CTNNA2: variants seen among roughly 807,000 people sequenced by gnomAD.
The protein encoded by CTNNA2 is catenin alpha-2.
A neutral mutation model predicts 101.0 loss-of-function variants in CTNNA2; 42 were observed. The ratio of observed to expected loss-of-function variants is 0.42; its 90% CI spans 0.32 to 0.54. CTNNA2 has a LOEUF of 0.54. CTNNA2 is among the 20% of genes least tolerant of loss of function. The pLI is 0.14. For missense variants in CTNNA2, 871 were observed against 1,223.1 expected, an observed-to-expected ratio of 0.71 and a Z score of 4.29; for synonymous variants, 450 against 456.4, an observed-to-expected ratio of 0.99 and a Z score of 0.18.
chr2:80,353,059 G>A (rs533624730), intron 7 of CTNNA2, among the ~76,000 whole-genome samples: 2 of 152,220 alleles, frequency 1.3e-5, no homozygotes, highest in East Asian at 1.9e-4. Context: ...ATGTGACTAT[G>A]TCTTCCCCAA....
intron 7 of CTNNA2, among the ~76,000 whole-genome samples, chr2:80,039,124 T>G (rs925560064): frequency 5.9e-5 from 9 of 152,144 alleles, no homozygotes; most frequent in Non-Finnish European, 8.8e-5. Flanking sequence ...ATATGTGTGT[T>G]TCTTTTAAAA....
At chr2:79,363,605 C>A (rs188806535) in intron 3 of CTNNA2, among the ~76,000 whole-genome samples, 2 of 152,118 alleles carry the variant, frequency 1.3e-5, no homozygotes, top group East Asian at 3.9e-4. Flanking sequence ...AAAACTGAAC[C>A]CTCTTATATT....
At chr2:79,330,601 A>G (rs1371681730) in intron 3 of CTNNA2, among the ~76,000 whole-genome samples, 1 of 152,190 alleles carries the variant, frequency 6.6e-6, no homozygotes, top group Non-Finnish European at 1.5e-5. Context: ...TGTAGCTCCC[A>G]GAATTCCCAC....
At chr2:80,512,991 C>T (rs527857330) in intron 9 of CTNNA2, among the ~76,000 whole-genome samples, 1 of 152,038 alleles carries the variant, frequency 6.6e-6, no homozygotes, top group East Asian at 1.9e-4. Flanking sequence ...TAGATTTGAG[C>T]TATTTTGGGG....
intron 1 of CTNNA2, among the ~76,000 whole-genome samples, chr2:79,617,577 T>C (rs1052277231): frequency 6.6e-5 from 10 of 152,262 alleles, no homozygotes; most frequent in Non-Finnish European, 1.2e-4. Flanking sequence ...TATGTCTGAT[T>C]CATATTCACC....
intron 15 of CTNNA2, among the ~76,000 whole-genome samples, chr2:80,599,739 A>G (rs1697304459): frequency 6.6e-6 from 1 of 152,136 alleles, no homozygotes; most frequent in South Asian, 2.1e-4. Flanking sequence ...TATTTTACAC[A>G]TGACTTTAAC....
chr2:80,370,895 GA>G (rs1675379295), intron 7 of CTNNA2, among the ~76,000 whole-genome samples: 1 of 152,120 alleles, frequency 6.6e-6, no homozygotes, highest in Admixed American at 6.6e-5. Context: ...AAGAAATGAA[GA>G]CCCAATGAAA....
chr2:79,519,005 C>T (rs962470276), intron 1 of CTNNA2, among the ~76,000 whole-genome samples: 2 of 151,908 alleles, frequency 1.3e-5, no homozygotes, highest in African/African-American at 2.4e-5. Flanking sequence ...GAGGCAGGCA[C>T]ATCACCTGAG....
At chr2:80,588,669 C>T (rs770764616) in intron 14 of CTNNA2, among the ~76,000 whole-genome samples, 2 of 152,124 alleles carry the variant, frequency 1.3e-5, no homozygotes, top group Admixed American at 6.5e-5. Flanking sequence ...TTTCTGCCTA[C>T]GTACTCAAAG....
chr2:80,147,762 C>A (rs929332645), intron 7 of CTNNA2, among the ~76,000 whole-genome samples: 1 of 152,148 alleles, frequency 6.6e-6, no homozygotes, highest in Admixed American at 6.5e-5. Context: ...GACTTCTCAG[C>A]CCCTACCTCC....
intron 6 of CTNNA2, among the ~76,000 whole-genome samples, chr2:79,888,157 C>T (rs889008576): frequency 6.6e-6 from 1 of 152,114 alleles, no homozygotes; most frequent in African/African-American, 2.4e-5. Context: ...CCATCCCTAC[C>T]TCTGGGATGG....
At chr2:80,108,598 G>A (rs1042134989) in intron 7 of CTNNA2, among the ~76,000 whole-genome samples, 63 of 152,120 alleles carry the variant, frequency 4.1e-4, no homozygotes, top group African/African-American at 1.4e-3. Flanking sequence ...TTACTAATGC[G>A]ATAAAATCGA....
chr2:79,931,595 G>A (rs186723845), intron 7 of CTNNA2, among the ~76,000 whole-genome samples: 5 of 152,204 alleles, frequency 3.3e-5, no homozygotes, highest in Admixed American at 2.6e-4. Flanking sequence ...AGAAACTTTT[G>A]TAGTAATTTT....
At chr2:79,186,526 T>G (rs2104150059) in intron 1 of CTNNA2, among the ~76,000 whole-genome samples, 1 of 152,318 alleles carries the variant, frequency 6.6e-6, no homozygotes, top group East Asian at 1.9e-4. Context: ...ACTTAAGCAA[T>G]AAATACATTA....
chr2:79,744,259 T>A (rs2104990361), intron 2 of CTNNA2, 128 bp from the exon 3 acceptor site: 1 of 818,340 alleles, frequency 1.2e-6, no homozygotes, highest in Middle Eastern at 3.7e-4. Context: ...GGCTAAGTGA[T>A]GTGCATTCAT....
intron 2 of CTNNA2, among the ~76,000 whole-genome samples, chr2:79,704,122 TG>T (rs1685189266): frequency 6.6e-6 from 1 of 152,232 alleles, no homozygotes; most frequent in African/African-American, 2.4e-5. Context: ...TATTCATCAT[TG>T]TATTTTTAGC....
chr2:79,409,473 T>C (rs1386547531), intron 4 of CTNNA2, among the ~76,000 whole-genome samples: 2 of 152,126 alleles, frequency 1.3e-5, no homozygotes, highest in African/African-American at 4.8e-5. Context: ...AATTAATTTT[T>C]GTATAAGGTG....
At chr2:79,987,766 T>C (rs2103874913) in intron 7 of CTNNA2, among the ~76,000 whole-genome samples, 1 of 152,338 alleles carries the variant, frequency 6.6e-6, no homozygotes, top group African/African-American at 2.4e-5. Flanking sequence ...TCTAAATGGC[T>C]AAAAGCTATA....
chr2:80,368,893 C>G (rs1460948228), intron 7 of CTNNA2, among the ~76,000 whole-genome samples: 1 of 134,238 alleles, frequency 7.4e-6, no homozygotes, highest in Non-Finnish European at 1.7e-5. Context: ...ATTTGGCACG[C>G]TAGGCTAGTG....
Sources: allele counts gnomAD v4.1 joint callset (sites outside exome capture counted in the v4.1 genomes callset), GRCh38; gene constraint gnomAD v4.1.1; transcripts MANE v1.5; gene names NCBI Gene and HGNC (gene_info 2026-07-23, HGNC 2026-07-21).